The following FRY variants were observed in gnomAD, a reference collection of about 807,000 sequenced individuals.
FRY encodes protein furry homolog.
In FRY, 128 loss-of-function variants were observed where a neutral mutation model predicts 348.4. That is an observed-to-expected ratio of 0.37 (90% CI 0.32 to 0.43). FRY has a LOEUF of 0.43. FRY is among the 20% of genes least tolerant of loss of function. The pLI is 1.00. For missense variants in FRY, 2,736 were observed against 3,695.2 expected (o/e 0.74, Z 6.73); for synonymous variants, 1,370 against 1,374.7 (o/e 1.00, Z 0.08).
At position 32,262,362 on chromosome 13, in the gene FRY, A is replaced by G. The variant is rs1887697427; in HGVS notation, c.7666A>G (p.Thr2556Ala). 6 of 1,613,794 alleles carry G rather than the reference A, an allele frequency of 3.7e-6. No homozygotes were observed. Among genetic ancestry groups the G allele is most frequent in the Admixed American group, 3.3e-5 (2 of 59,984 alleles). Residue 2556 changes from threonine to alanine, a missense_variant, in exon 53 of 61, where the codon ACC (threonine) becomes GCC (alanine). Physicochemically the swap from Thr to Ala is moderately conservative, Grantham distance 58. This residue lies in a region of FRY where 789 missense variants were observed against 996.2 expected (regional missense o/e 0.79). Transcript: ENST00000542859. ...AGAGACGAATCCCATGGAGCTGCTC[A>G]CCACAGCCTGTGACTCGACCCCTGC... ...SEETNPMELL[T>A]TACDSTPAEP... is the part of the protein sequence containing the mutation.
intron 46 of FRY, among the ~76,000 whole-genome samples, chr13:32,241,345 G>T (rs910576595): frequency 6.6e-6 from 1 of 152,224 alleles, no homozygotes; most frequent in Non-Finnish European, 1.5e-5. Flanking sequence ...TCTGATGTGT[G>T]CTTCCACGTG....
rs749020849 is a variant in FRY, at chr13:32,247,453, C to G, written c.6959C>G (p.Ser2320Cys). 2.5e-6 allele frequency: 4 copies of G among 1,613,632 alleles called. No homozygotes were observed. The highest frequency in any genetic ancestry group is 1.7e-4 in the Middle Eastern group (1 of 6,060). ...ATACATCGAGTGTGGACTAGTGCTT[C>G]CAAGGAATTACCTGGGAAAACCCTG... ...IEIHRVWTSA[S>C]KELPGKTLDF... Residue 2320 changes from serine to cysteine, a missense_variant, in exon 48 of 61, where the codon TCC becomes TGC. This residue lies in a region of FRY where 789 missense variants were observed against 996.2 expected (regional missense o/e 0.79). Coordinates refer to ENST00000542859, the MANE Select transcript of FRY (RefSeq NM_023037.3).
At chr13:32,060,665 G>A (rs1873888758) in intron 1 of FRY, among the ~76,000 whole-genome samples, 1 of 152,200 alleles carries the variant, frequency 6.6e-6, no homozygotes, top group Non-Finnish European at 1.5e-5. Context: ...CAGCCCGTTA[G>A]ATCCAGGGGG....
intron 58 of FRY, among the ~76,000 whole-genome samples, chr13:32,287,473 A>G (rs1344908169): frequency 3.3e-5 from 5 of 152,232 alleles, no homozygotes; most frequent in Admixed American, 6.5e-5. Context: ...GTTTGGGGCT[A>G]TAATTCTTCA....
At chr13:32,118,173 A>G (rs12427736) in intron 4 of FRY, among the ~76,000 whole-genome samples, 25,413 of 152,226 alleles carry the variant, frequency 0.17, 2,543 homozygotes, top group East Asian at 0.26. Flanking sequence ...ATATAATTTC[A>G]TATGTTTAGT....
intron 2 of FRY, among the ~76,000 whole-genome samples, chr13:32,086,291 G>T (rs1031829714): frequency 6.6e-6 from 1 of 152,104 alleles, no homozygotes; most frequent in African/African-American, 2.4e-5. Context: ...AAGAAAATTG[G>T]TTTTTTATTA....
chr13:32,234,448 C>A, intron 41 of FRY, 126 bp from the exon 42 acceptor site: 1 of 843,144 alleles, frequency 1.2e-6, no homozygotes, highest in East Asian at 2.5e-5. Flanking sequence ...AAATGGTTGA[C>A]TTGTAAATAA....
At position 32,298,883 on chromosome 13, in the gene FRY, T is replaced by A. The variant is rs189506946; in HGVS notation, c.*3423T>A. ...AGCTCTGTGGGCCACGGCAGGACTTTGTCCCTTGCTGAGCAAGATGGGAAG... is the reference window on the plus strand; with the variant it reads ...AGCTCTGTGGGCCACGGCAGGACTTAGTCCCTTGCTGAGCAAGATGGGAAG... On this transcript the variant is annotated 3_prime_UTR_variant, in exon 61 of 61. Transcript: ENST00000542859. 4 of 152,344 alleles carry A rather than the reference T, an allele frequency of 2.6e-5. No individual in the cohort carries two copies. In the East Asian group the frequency reaches 7.7e-4, roughly 29 times the overall value. The allele number at this position is 152,344 out of a possible 1,614,324, so 9.4% of individuals were successfully genotyped here.
At chr13:32,269,516 C>T (rs1386268990) in intron 55 of FRY, among the ~76,000 whole-genome samples, 1 of 152,118 alleles carries the variant, frequency 6.6e-6, no homozygotes, top group Non-Finnish European at 1.5e-5. Flanking sequence ...CATGGTGAAA[C>T]CCCATCTCTA....
At chr13:32,165,441 T>A (rs1180315327) in intron 17 of FRY, among the ~76,000 whole-genome samples, 1 of 152,242 alleles carries the variant, frequency 6.6e-6, no homozygotes, top group South Asian at 2.1e-4. Flanking sequence ...CGAACCACTG[T>A]AGATAGATGG....
At chr13:32,280,770 C>T (rs1006524190) in intron 58 of FRY, among the ~76,000 whole-genome samples, 1 of 152,170 alleles carries the variant, frequency 6.6e-6, no homozygotes, top group East Asian at 1.9e-4. Flanking sequence ...GAGTTGAAAC[C>T]AAATCTATTA....
At chr13:32,271,678 G>C (rs1157386860) in intron 55 of FRY, among the ~76,000 whole-genome samples, 1 of 152,186 alleles carries the variant, frequency 6.6e-6, no homozygotes, top group Admixed American at 6.5e-5. Flanking sequence ...GGAGTGAAAG[G>C]CCTCAGATAT....
intron 1 of FRY, among the ~76,000 whole-genome samples, chr13:32,067,184 A>G (rs1874309874): frequency 6.6e-6 from 1 of 152,132 alleles, no homozygotes; most frequent in Non-Finnish European, 1.5e-5. Flanking sequence ...ATGCCATTCC[A>G]TTTGCCCGAG....
intron 36 of FRY, among the ~76,000 whole-genome samples, chr13:32,223,706 A>C (rs1486155789): frequency 6.6e-6 from 1 of 152,118 alleles, no homozygotes; most frequent in African/African-American, 2.4e-5. Flanking sequence ...GGATCTCTTG[A>C]GCCCCAGAAT....
At chr13:32,206,866 T>C (rs1260957720) in intron 31 of FRY, among the ~76,000 whole-genome samples, 1 of 152,216 alleles carries the variant, frequency 6.6e-6, no homozygotes, top group Non-Finnish European at 1.5e-5. Context: ...AGTGACCTAA[T>C]TATTGTAAAC....
chr13:32,264,095 C>G (rs1887807181), intron 53 of FRY, among the ~76,000 whole-genome samples: 1 of 152,076 alleles, frequency 6.6e-6, no homozygotes, highest in South Asian at 2.1e-4. Context: ...CTGTTTTTCA[C>G]TTAAGTTGCA....
chr13:32,072,850 G>A (rs998532355), intron 1 of FRY, among the ~76,000 whole-genome samples: 7 of 152,176 alleles, frequency 4.6e-5, no homozygotes, highest in African/African-American at 1.7e-4. Flanking sequence ...AGAACTGGCA[G>A]AAAGAATAAT....
chr13:32,099,834 T>C (rs1877032376), intron 2 of FRY, among the ~76,000 whole-genome samples: 1 of 152,108 alleles, frequency 6.6e-6, no homozygotes, highest in South Asian at 2.1e-4. Flanking sequence ...AATGCTCTGC[T>C]GGAAGATCAG....
At chr13:32,153,312 G>A (rs1290408437) in intron 14 of FRY, among the ~76,000 whole-genome samples, 2 of 152,090 alleles carry the variant, frequency 1.3e-5, no homozygotes, top group Non-Finnish European at 2.9e-5. Context: ...AAACCCCGGT[G>A]AATGACTAAA....
Sources: allele counts gnomAD v4.1 joint callset (sites outside exome capture counted in the v4.1 genomes callset), GRCh38; gene constraint gnomAD v4.1.1; regional missense constraint gnomAD v4.1.1; transcripts MANE v1.5; gene names NCBI Gene and HGNC (gene_info 2026-07-23, HGNC 2026-07-21).